The following IPCEF1 variants were observed in gnomAD, a reference collection of about 807,000 sequenced individuals.
IPCEF1 encodes the protein interaction protein for cytohesin exchange factors 1, also known as interactor protein for cytohesin exchange factors 1.
IPCEF1 carries 31 observed loss-of-function variants against 50.9 expected under a neutral mutation model. The observed-to-expected ratio is 0.61, with a 90% confidence interval of 0.46 to 0.82. The LOEUF (loss-of-function observed/expected upper bound fraction) is 0.82, where lower values mean the gene tolerates loss of function less well. Among genes scored for constraint, IPCEF1 ranks in the 40% least tolerant of loss-of-function variants. The pLI is 0.00. For missense variants in IPCEF1, 458 were observed against 514.0 expected, an observed-to-expected ratio of 0.89 and a Z score of 1.05; for synonymous variants, 181 against 192.0, an observed-to-expected ratio of 0.94 and a Z score of 0.47.
intron 1 of IPCEF1, among the ~76,000 whole-genome samples, chr6:154,339,443 T>TC (rs1417416989): frequency 1.3e-5 from 2 of 151,808 alleles, no homozygotes; most frequent in Admixed American, 6.6e-5. Context: ...TTTAATTTTT[T>TC]TTTTTTTTTA....
At chr6:154,336,898 C>A (rs951872859) in intron 1 of IPCEF1, among the ~76,000 whole-genome samples, 3 of 152,150 alleles carry the variant, frequency 2.0e-5, no homozygotes, top group African/African-American at 7.2e-5. Flanking sequence ...TCAATCATGC[C>A]TGGCCTAGAA....
intron 10 of IPCEF1, among the ~76,000 whole-genome samples, chr6:154,198,473 A>G (rs764145559): frequency 6.6e-6 from 1 of 152,202 alleles, no homozygotes; most frequent in Non-Finnish European, 1.5e-5. Context: ...GTTGGCCTAA[A>G]TAAAGGGGAG....
chr6:154,245,101 G>C (rs1780919953), intron 5 of IPCEF1, among the ~76,000 whole-genome samples: 1 of 152,098 alleles, frequency 6.6e-6, no homozygotes, highest in African/African-American at 2.4e-5. Flanking sequence ...TAGAAGGCAA[G>C]ACCACAGACC....
At chr6:154,248,860 G>A (rs1781267425) in intron 3 of IPCEF1, among the ~76,000 whole-genome samples, 1 of 151,986 alleles carries the variant, frequency 6.6e-6, no homozygotes, top group African/African-American at 2.4e-5. Flanking sequence ...ATGAGTATGT[G>A]TAATATAATA....
At position 154,268,296 on chromosome 6, in the gene IPCEF1, C is replaced by T. The variant is rs73789423; in HGVS notation, c.-17-2332G>A. 2.3e-3 allele frequency among the ~76,000 whole-genome samples: 344 copies of T among 152,348 alleles called. 2 individuals are homozygous for T. Among genetic ancestry groups the T allele is most frequent in the African/African-American group, 7.6e-3 (315 of 41,580 alleles). ...CCTGAGTCTGGGGGTGGGGTAGGTC[C>T]TGTCTGCTCTTTGGAGTGGGAGGTG... On this transcript the variant is annotated intron_variant, in intron 2 of 11. Coordinates refer to ENST00000367220, the MANE Select transcript of IPCEF1 (RefSeq NM_001130700.2).
At chr6:154,344,604 G>C (rs551470941) in intron 1 of IPCEF1, among the ~76,000 whole-genome samples, 1 of 152,064 alleles carries the variant, frequency 6.6e-6, no homozygotes, top group Non-Finnish European at 1.5e-5. Context: ...GATTCTTCCC[G>C]GTATAGGAGT....
chr6:154,342,247 T>C (rs1359824465), intron 1 of IPCEF1, among the ~76,000 whole-genome samples: 2 of 152,216 alleles, frequency 1.3e-5, no homozygotes, highest in Non-Finnish European at 2.9e-5. Flanking sequence ...ACAAGCTTAT[T>C]TTCCCAGGTA....
At chr6:154,161,961 C>G (rs535760317) in intron 11 of IPCEF1, among the ~76,000 whole-genome samples, 2 of 152,206 alleles carry the variant, frequency 1.3e-5, no homozygotes, top group Non-Finnish European at 2.9e-5. Flanking sequence ...CTTCTCATCT[C>G]AAACCCCCTC....
intron 10 of IPCEF1, among the ~76,000 whole-genome samples, chr6:154,171,260 A>T (rs1799847191): frequency 6.6e-6 from 1 of 152,348 alleles, no homozygotes; most frequent in African/African-American, 2.4e-5. Flanking sequence ...TGGCATTTGC[A>T]TGTGACAGAA....
At chr6:154,262,745 G>A (rs1781631966) in intron 3 of IPCEF1, among the ~76,000 whole-genome samples, 1 of 144,724 alleles carries the variant, frequency 6.9e-6, no homozygotes, top group Non-Finnish European at 1.5e-5. Context: ...GTTCCAAATA[G>A]TACATATACA....
chr6:154,199,713 G>A lies in IPCEF1; in HGVS notation c.865C>T (p.Leu289Phe), dbSNP rs762047631. 6.2e-7 allele frequency: 1 copy of A among 1,613,818 alleles called. No individual in the cohort carries two copies. Among genetic ancestry groups the A allele is most frequent in the African/African-American group, 1.3e-5 (1 of 74,938 alleles). Reference sequence around the variant, plus strand: ...CCAGCAGGCTTATCTGGGACAGTAAGATGGTCATGATTGCTACTCAATGAA... The same window carrying A: ...CCAGCAGGCTTATCTGGGACAGTAAAATGGTCATGATTGCTACTCAATGAA... ...TSSLSSNHDHLTVPDKPAGSK... is the reference protein window; with the variant it reads ...TSSLSSNHDHFTVPDKPAGSK... Residue 289 changes from leucine (L) to phenylalanine (F), a missense_variant, in exon 10 of 12, where the codon CTT (leucine) becomes TTT (phenylalanine). Coordinates refer to ENST00000367220, the MANE Select transcript of IPCEF1 (RefSeq NM_001130700.2).
intron 1 of IPCEF1, among the ~76,000 whole-genome samples, chr6:154,331,049 T>C (rs1460633684): frequency 6.6e-6 from 1 of 151,982 alleles, no homozygotes. Flanking sequence ...GGTGGATCAC[T>C]TGAGATCAGG....
intron 2 of IPCEF1, among the ~76,000 whole-genome samples, chr6:154,284,833 C>G (rs993126063): frequency 3.3e-5 from 5 of 152,094 alleles, no homozygotes; most frequent in Non-Finnish European, 7.4e-5. Flanking sequence ...AACCCCGTCT[C>G]TACTAAAAAT....
chr6:154,321,827 T>C (rs549495854), intron 1 of IPCEF1, among the ~76,000 whole-genome samples: 54 of 143,480 alleles, frequency 3.8e-4, no homozygotes, highest in South Asian at 6.7e-4. Context: ...TTACAAAAGC[T>C]TTTAGAAGGT....
intron 1 of IPCEF1, among the ~76,000 whole-genome samples, chr6:154,329,074 A>G (rs1269857868): frequency 6.6e-6 from 1 of 152,156 alleles, no homozygotes; most frequent in African/African-American, 2.4e-5. Flanking sequence ...GTTAGTTCAG[A>G]CTCTAATGTT....
intron 5 of IPCEF1, among the ~76,000 whole-genome samples, chr6:154,241,626 G>C (rs1780601695): frequency 6.6e-6 from 1 of 151,936 alleles, no homozygotes; most frequent in Non-Finnish European, 1.5e-5. Flanking sequence ...TTTGCGTAGT[G>C]CGCCCTACAT....
chr6:154,214,183 T>C, intron 8 of IPCEF1, 35 bp downstream of exon 8: 1 of 1,357,284 alleles, frequency 7.4e-7, no homozygotes. Context: ...TCTAATATTC[T>C]TGCTAAATTT....
At chr6:154,209,258 A>G (rs957267916) in intron 9 of IPCEF1, among the ~76,000 whole-genome samples, 2 of 152,238 alleles carry the variant, frequency 1.3e-5, no homozygotes, top group African/African-American at 4.8e-5. Context: ...TTTAACCAAA[A>G]ACTTGGGGAA....
intron 9 of IPCEF1, among the ~76,000 whole-genome samples, chr6:154,203,655 C>T (rs919636985): frequency 1.3e-5 from 2 of 152,134 alleles, no homozygotes; most frequent in African/African-American, 4.8e-5. Flanking sequence ...AACTAAACCC[C>T]CACAGATACC....
Sources: allele counts gnomAD v4.1 joint callset (sites outside exome capture counted in the v4.1 genomes callset), GRCh38; gene constraint gnomAD v4.1.1; transcripts MANE v1.5; gene names NCBI Gene and HGNC (gene_info 2026-07-23, HGNC 2026-07-21).